The following DNAH8 variants were observed in gnomAD, a reference collection of about 807,000 sequenced individuals.
DNAH8 encodes the protein dynein axonemal heavy chain 8.
A neutral mutation model predicts 562.1 loss-of-function variants in DNAH8; 382 were observed. That is an observed-to-expected ratio of 0.68 (90% CI 0.63 to 0.74). The LOEUF (loss-of-function observed/expected upper bound fraction) is 0.74. Ranked by LOEUF, DNAH8 falls within the 30% of genes least tolerant of loss-of-function variation. DNAH8 has a pLI of 0.00. For synonymous variants in DNAH8, 1,881 were observed against 1,919.4 expected (o/e 0.98, Z 0.52); for missense variants, 5,203 against 5,620.4 (o/e 0.93, Z 2.37).
chr6:38,716,151 C>T (rs887734845), intron 1 of DNAH8, among the ~76,000 whole-genome samples: 1 of 149,622 alleles, frequency 6.7e-6, no homozygotes, highest in African/African-American at 2.5e-5. Context: ...TCAGTGGAGA[C>T]GGGGTTTCAC....
At position 38,877,896 on chromosome 6, in the gene DNAH8, C is replaced by A. The variant is rs4443498; in HGVS notation, c.7858+2068C>A. 4.6e-5 allele frequency among the ~76,000 whole-genome samples: 7 copies of A among 151,916 alleles called. No homozygotes were observed. The East Asian group carries it at 9.7e-4, about 21-fold the overall frequency. On this transcript the variant is annotated intron_variant, in intron 53 of 92. Transcript: ENST00000327475. ...ATAGGCACTACTGGACTGAAATCAC[C>A]GAGGGAAGTGAAACAAGGTGATTGC...
chr6:38,939,051 A>G, intron 79 of DNAH8, 63 bp downstream of exon 79: 7 of 1,365,696 alleles, frequency 5.1e-6, no homozygotes, highest in Middle Eastern at 1.9e-4. Context: ...GCTCTTTGAT[A>G]TACCATAAAC....
At chr6:38,828,458 T>G (rs1230500871) in intron 30 of DNAH8, among the ~76,000 whole-genome samples, 170 bp downstream of exon 30, 2 of 152,196 alleles carry the variant, frequency 1.3e-5, no homozygotes, top group African/African-American at 4.8e-5. Flanking sequence ...TAATACTGTA[T>G]TTTTACTGAT....
At position 38,789,746 on chromosome 6, in the gene DNAH8, T is replaced by A; in HGVS notation, c.2584-57T>A. On this transcript the variant is annotated intron_variant, in intron 18 of 92. Transcript: ENST00000327475. ...GAAACCTTCCTGGAATGAATCAAAA[T>A]GTGACTGCTACTTTAAAATGAATTA... 2.3e-6 allele frequency: 3 copies of A among 1,317,280 alleles called. No individual in the cohort carries two copies. In the Middle Eastern group the frequency reaches 5.5e-4, roughly 243 times the overall value. 81.6% of individuals were successfully genotyped at this position (1,317,280 alleles called of 1,614,324 possible). A position where few individuals can be genotyped will look rare whatever the true frequency, so the allele number is the denominator to read the frequency against.
chr6:38,901,052 A>G (rs978687251), intron 62 of DNAH8, among the ~76,000 whole-genome samples: 5 of 132,036 alleles, frequency 3.8e-5, no homozygotes, highest in Non-Finnish European at 6.6e-5. Flanking sequence ...CCCTTTCTCC[A>G]TTTTTTTTTC....
At chr6:38,965,821 T>A (rs982179592) in intron 82 of DNAH8, among the ~76,000 whole-genome samples, 1 of 152,204 alleles carries the variant, frequency 6.6e-6, no homozygotes, top group Non-Finnish European at 1.5e-5. Flanking sequence ...TGCGTGGGAA[T>A]GTTTCTCACT....
At chr6:38,769,691 G>A (rs887333283) in intron 11 of DNAH8, among the ~76,000 whole-genome samples, 2 of 152,192 alleles carry the variant, frequency 1.3e-5, no homozygotes, top group Non-Finnish European at 2.9e-5. Flanking sequence ...TGGAATTAAA[G>A]TGCTGATCAG....
chr6:39,020,616 T>C (rs1364763562), intron 91 of DNAH8, among the ~76,000 whole-genome samples: 4 of 152,190 alleles, frequency 2.6e-5, no homozygotes, highest in Non-Finnish European at 5.9e-5. Flanking sequence ...GCTGCACCTA[T>C]CATCTAGGTT....
At chr6:39,012,865 C>T (rs1416803419) in intron 91 of DNAH8, among the ~76,000 whole-genome samples, 1 of 151,432 alleles carries the variant, frequency 6.6e-6, no homozygotes, top group African/African-American at 2.4e-5. Flanking sequence ...CAAAATCCTT[C>T]CTTTTTCTTT....
intron 83 of DNAH8, 129 bp from the exon 84 acceptor site, chr6:38,973,532 A>G (rs1465137936): frequency 1.6e-6 from 1 of 629,066 alleles, no homozygotes; most frequent in Non-Finnish European, 2.6e-6. Flanking sequence ...TTGTATTGAC[A>G]TATAATTTTT....
rs68060910 is a variant in DNAH8, at chr6:38,867,752, CAAAA to C, written c.6694-293_6694-290del. Among the ~76,000 whole-genome samples, 1,074 of 88,752 alleles carry C rather than the reference CAAAA, an allele frequency of 0.012. 46 individuals carry two copies. The East Asian group carries it at 0.17, about 14-fold the overall frequency. 58.2% of individuals were successfully genotyped at this position (88,752 alleles called of 152,430 possible). Reference sequence around the variant, plus strand: ...TGGATGACAGAGTGAGACTCCATCTCAAAAAAAAAAAAAAAAAAAACAAAAAAGA... The same window carrying C: ...TGGATGACAGAGTGAGACTCCATCTCAAAAAAAAAAAAAAAACAAAAAAGA... On this transcript the variant is annotated intron_variant, in intron 47 of 92. Transcript: ENST00000327475.
intron 3 of DNAH8, among the ~76,000 whole-genome samples, chr6:38,723,970 T>TTTAATTAA (rs68148878): frequency 0.021 from 2,943 of 142,248 alleles, 46 homozygotes; most frequent in Middle Eastern, 0.044. Flanking sequence ...TCTTTTTAAA[T>TTTAATTAA]TTAATTAATT....
Position 38,783,069 on chromosome 6 carries a change from C to A in DNAH8, c.2325C>A (p.Ser775=). The A allele has an allele frequency of 1.9e-6, 3 of 1,613,890 alleles. No individual in the cohort carries two copies. The highest frequency in any genetic ancestry group is 2.7e-5 in the African/African-American group (2 of 75,016). ...TCATCCGTCAGTATAACAAGATCTC[C>A]TATGTGCTGGTGGAATTCGAGGTGG... The part of the protein sequence containing the change: ...KAVIRQYNKI[S]YVLVEFEVVY... The change falls in exon 17 of 93, where the codon TCC becomes TCA. Residue 775 remains serine (S), a synonymous_variant. Coordinates refer to ENST00000327475, the MANE Select transcript of DNAH8 (RefSeq NM_001206927.2).
chr6:39,014,942 A>G (rs772530296), intron 91 of DNAH8, among the ~76,000 whole-genome samples: 3 of 152,128 alleles, frequency 2.0e-5, no homozygotes, highest in Admixed American at 6.5e-5. Context: ...AGGGCCTGGG[A>G]CCTTAACCAG....
intron 41 of DNAH8, among the ~76,000 whole-genome samples, chr6:38,857,050 G>A (rs921025819): frequency 3.3e-5 from 5 of 152,120 alleles, no homozygotes; most frequent in Non-Finnish European, 7.3e-5. Context: ...TAAGTATAGA[G>A]ACAGAAAAGT....
At chr6:38,821,598 C>T (rs1244772937) in intron 26 of DNAH8, among the ~76,000 whole-genome samples, 1 of 152,344 alleles carries the variant, frequency 6.6e-6, no homozygotes, top group Middle Eastern at 3.4e-3. Context: ...GGGTCCCACT[C>T]TGTTGCCCAG....
chr6:38,826,700 T>A (rs1230394641), intron 29 of DNAH8, among the ~76,000 whole-genome samples: 4 of 152,222 alleles, frequency 2.6e-5, no homozygotes, highest in South Asian at 4.1e-4. Flanking sequence ...CCTTGTCATG[T>A]CAATCCCAAC....
chr6:38,757,259 C>T (rs1366845946), intron 10 of DNAH8, among the ~76,000 whole-genome samples: 1 of 152,150 alleles, frequency 6.6e-6, no homozygotes, highest in Non-Finnish European at 1.5e-5. Context: ...ATTTGCATTT[C>T]TCTGATGGCC....
intron 88 of DNAH8, among the ~76,000 whole-genome samples, chr6:38,997,501 G>A (rs1765214223): frequency 6.6e-6 from 1 of 152,168 alleles, no homozygotes; most frequent in Non-Finnish European, 1.5e-5. Flanking sequence ...TGTTGGAGGA[G>A]AAGTTACAGA....
Sources: allele counts gnomAD v4.1 joint callset (sites outside exome capture counted in the v4.1 genomes callset), GRCh38; gene constraint gnomAD v4.1.1; transcripts MANE v1.5; gene names NCBI Gene and HGNC (gene_info 2026-07-23, HGNC 2026-07-21).